The following CDC42BPA variants were observed in gnomAD, a reference collection of about 807,000 sequenced individuals.
The protein encoded by CDC42BPA is CDC42 binding protein kinase alpha, also known as serine/threonine-protein kinase MRCK alpha.
In CDC42BPA, 80 loss-of-function variants were observed where a neutral mutation model predicts 223.5. That is an observed-to-expected ratio of 0.36 (90% CI 0.30 to 0.43). The LOEUF (loss-of-function observed/expected upper bound fraction) is 0.43, where lower values mean the gene tolerates loss of function less well. Ranked by LOEUF, CDC42BPA falls within the 20% of genes least tolerant of loss-of-function variation. The pLI is 1.00. For synonymous variants in CDC42BPA, 694 were observed against 718.6 expected (o/e 0.97, Z 0.55); for missense variants, 1,743 against 2,099.9 (o/e 0.83, Z 3.32).
chr1:227,232,335 C>T (rs1678138295), intron 2 of CDC42BPA, among the ~76,000 whole-genome samples: 3 of 152,222 alleles, frequency 2.0e-5, no homozygotes, highest in Admixed American at 2.0e-4. Context: ...TTCCATTAGT[C>T]TGTATCTCTG....
intron 23 of CDC42BPA, among the ~76,000 whole-genome samples, chr1:227,045,962 C>T (rs1263395473): frequency 1.3e-5 from 2 of 152,016 alleles, no homozygotes; most frequent in Non-Finnish European, 1.5e-5. Context: ...CACATCACCA[C>T]GCCTGGCTAA....
chr1:227,063,971 T>C (rs1676466197), intron 21 of CDC42BPA, among the ~76,000 whole-genome samples: 1 of 152,178 alleles, frequency 6.6e-6, no homozygotes, highest in Admixed American at 6.5e-5. Context: ...TTTTGAAGCA[T>C]CTTAGTAAGA....
chr1:227,284,253 ATGATT>A (rs906670307), intron 1 of CDC42BPA, among the ~76,000 whole-genome samples: 1 of 152,188 alleles, frequency 6.6e-6, no homozygotes, highest in Non-Finnish European at 1.5e-5. Flanking sequence ...CTAAAAAGTA[ATGATT>A]TAATTTTTTA....
At chr1:227,244,960 G>C (rs1680654617) in intron 2 of CDC42BPA, among the ~76,000 whole-genome samples, 1 of 152,188 alleles carries the variant, frequency 6.6e-6, no homozygotes, top group Admixed American at 6.5e-5. Context: ...TGCTTGGAGG[G>C]GCATTTGACT....
rs1034583720 is a variant in CDC42BPA, at chr1:227,029,264, G to T, written c.3839-14C>A. Reference sequence around the variant, plus strand: ...CTCTAATAATTTCTAAACACAGAAAGAATAATAAATCAAAATATAGTTTTA... The same window carrying T: ...CTCTAATAATTTCTAAACACAGAAATAATAATAAATCAAAATATAGTTTTA... On this transcript the variant is annotated splice_polypyrimidine_tract_variant and intron_variant, in intron 29 of 36. Transcript: ENST00000366766. The T allele has an allele frequency of 4.8e-6, 7 of 1,469,544 alleles. No homozygotes were observed. Among genetic ancestry groups the T allele is most frequent in the Non-Finnish European group, 5.5e-6 (6 of 1,084,508 alleles). 91.0% of individuals were successfully genotyped at this position (1,469,544 alleles called of 1,614,324 possible). A position where few individuals can be genotyped will look rare whatever the true frequency, so the allele number is the denominator to read the frequency against.
At chr1:227,112,559 C>A (rs1572880369) in intron 13 of CDC42BPA, 112 bp downstream of exon 13, 1 of 927,192 alleles carries the variant, frequency 1.1e-6, no homozygotes. Flanking sequence ...TATTAATGAA[C>A]TATAAAAATA....
chr1:227,109,555 G>A lies in CDC42BPA; in HGVS notation c.2001+2757C>T, dbSNP rs928153088. Among the ~76,000 whole-genome samples, 8 of 151,930 alleles carry A rather than the reference G, an allele frequency of 5.3e-5. No homozygotes were observed. The East Asian group carries it at 5.8e-4, about 11-fold the overall frequency. On this transcript the variant is annotated intron_variant, in intron 14 of 36. Coordinates refer to ENST00000366766, the MANE Select transcript of CDC42BPA (RefSeq NM_001394014.1). ...TAATTTTTGTATTTTTAGTAGAGAC[G>A]GGGTTTCACTATGTTGGCCAGGCTG...
chr1:227,117,113 G>C (rs1263512938), intron 12 of CDC42BPA, among the ~76,000 whole-genome samples: 5 of 152,104 alleles, frequency 3.3e-5, no homozygotes, highest in Non-Finnish European at 7.4e-5. Flanking sequence ...TATCCTGCCA[G>C]CTCTCAGGGT....
intron 14 of CDC42BPA, among the ~76,000 whole-genome samples, chr1:227,102,248 G>A (rs1312323971): frequency 6.6e-6 from 1 of 152,148 alleles, no homozygotes; most frequent in Non-Finnish European, 1.5e-5. Flanking sequence ...CAAAGGAAGT[G>A]ATGTGGGCCA....
intron 1 of CDC42BPA, among the ~76,000 whole-genome samples, chr1:227,277,255 A>G (rs1295545287): frequency 1.3e-5 from 2 of 151,974 alleles, no homozygotes; most frequent in African/African-American, 2.4e-5. Context: ...AAACAATCCT[A>G]TCTCTAATAA....
chr1:227,176,737 T>A (rs1443562549), intron 5 of CDC42BPA, among the ~76,000 whole-genome samples: 2 of 152,148 alleles, frequency 1.3e-5, no homozygotes, highest in Non-Finnish European at 2.9e-5. Flanking sequence ...GTATATATTA[T>A]TACACTATAC....
intron 9 of CDC42BPA, among the ~76,000 whole-genome samples, 187 bp downstream of exon 9, chr1:227,142,758 T>G (rs1183384454): frequency 1.3e-5 from 2 of 152,140 alleles, no homozygotes; most frequent in Admixed American, 1.3e-4. Context: ...TAGCTGGGAT[T>G]ACAGGCACCT....
chr1:227,215,848 T>C (rs1317991806), intron 2 of CDC42BPA, among the ~76,000 whole-genome samples: 1 of 152,192 alleles, frequency 6.6e-6, no homozygotes, highest in Non-Finnish European at 1.5e-5. Context: ...CATAGAAATA[T>C]GGATAGAAAT....
intron 1 of CDC42BPA, among the ~76,000 whole-genome samples, chr1:227,295,263 C>A (rs1033508120): frequency 6.6e-6 from 1 of 152,112 alleles, no homozygotes; most frequent in Non-Finnish European, 1.5e-5. Context: ...CAGGCTCAAG[C>A]GATCCTCCCA....
chr1:227,211,192 C>A (rs1051716351), intron 3 of CDC42BPA, among the ~76,000 whole-genome samples: 3 of 152,128 alleles, frequency 2.0e-5, no homozygotes, highest in African/African-American at 7.2e-5. Flanking sequence ...TGGACACTGG[C>A]ACATATCCCA....
intron 31 of CDC42BPA, among the ~76,000 whole-genome samples, chr1:227,025,563 A>G (rs1668110664): frequency 6.6e-6 from 1 of 152,210 alleles, no homozygotes; most frequent in South Asian, 2.1e-4. Flanking sequence ...AAACAGGATT[A>G]TATATTAAGA....
chr1:227,274,541 T>C (rs1004905463), intron 1 of CDC42BPA, among the ~76,000 whole-genome samples: 1 of 152,200 alleles, frequency 6.6e-6, no homozygotes, highest in East Asian at 1.9e-4. Context: ...AAAATAAATA[T>C]AGAAAAAGCT....
chr1:227,155,687 A>G (rs1662616931), intron 6 of CDC42BPA, among the ~76,000 whole-genome samples: 1 of 152,250 alleles, frequency 6.6e-6, no homozygotes, highest in South Asian at 2.1e-4. Flanking sequence ...CGGGAAATTA[A>G]GCAGAGCAAA....
chr1:227,131,463 G>T (rs1657090221), intron 10 of CDC42BPA, among the ~76,000 whole-genome samples: 1 of 152,204 alleles, frequency 6.6e-6, no homozygotes, highest in South Asian at 2.1e-4. Context: ...AATGAAAGAT[G>T]TATGAAACTA....
Sources: gnomAD v4.1 joint callset for allele counts (sites outside exome capture counted in the v4.1 genomes callset) on GRCh38, gnomAD v4.1.1 for gene constraint, MANE v1.5 for transcripts, NCBI Gene and HGNC (gene_info 2026-07-23, HGNC 2026-07-21) for gene names.